The following NRXN3 variants were observed in gnomAD, a reference collection of about 807,000 sequenced individuals.
NRXN3 encodes neurexin III.
In NRXN3, 32 loss-of-function variants were observed where a neutral mutation model predicts 137.6. The observed-to-expected ratio is 0.23, with a 90% confidence interval of 0.18 to 0.31. The LOEUF (loss-of-function observed/expected upper bound fraction) is 0.31. Among genes scored for constraint, NRXN3 ranks in the 10% least tolerant of loss-of-function variants. The probability of loss-of-function intolerance (pLI) is 1.00; values close to 1 mark genes in which losing one functional copy is unlikely to be tolerated. For missense variants in NRXN3, 1,574 were observed against 2,062.5 expected (o/e 0.76, Z 4.59); for synonymous variants, 798 against 784.5 (o/e 1.02, Z -0.29).
At chr14:78,848,050 A>G (rs574014658) in intron 10 of NRXN3, among the ~76,000 whole-genome samples, 14 of 152,082 alleles carry the variant, frequency 9.2e-5, no homozygotes, top group Non-Finnish European at 1.6e-4. Flanking sequence ...TCTGCCTAGA[A>G]TCTGAGGAGG....
At chr14:78,649,689 G>A (rs988263816) in intron 5 of NRXN3, among the ~76,000 whole-genome samples, 1 of 150,642 alleles carries the variant, frequency 6.6e-6, no homozygotes, top group Non-Finnish European at 1.5e-5. Context: ...TTCTTTCTGT[G>A]CCTTCCTCTC....
chr14:79,051,870 A>T (rs954649409), intron 15 of NRXN3, among the ~76,000 whole-genome samples: 1 of 152,128 alleles, frequency 6.6e-6, no homozygotes, highest in Admixed American at 6.5e-5. Context: ...TTGACCTAAG[A>T]TTTTCTTTTC....
chr14:78,233,940 G>T (rs1398439189), intron 1 of NRXN3, among the ~76,000 whole-genome samples: 3 of 152,188 alleles, frequency 2.0e-5, no homozygotes, highest in Non-Finnish European at 1.5e-5. Flanking sequence ...ATCTTGAATT[G>T]TAGCTCCCAT....
chr14:78,232,869 G>A (rs935957192), intron 1 of NRXN3, among the ~76,000 whole-genome samples: 4 of 152,222 alleles, frequency 2.6e-5, no homozygotes, highest in Admixed American at 2.0e-4. Context: ...GAGGGGGTGA[G>A]AGAAGGGAGG....
intron 6 of NRXN3, among the ~76,000 whole-genome samples, chr14:78,696,996 C>T (rs775407127): frequency 1.3e-5 from 2 of 152,088 alleles, no homozygotes; most frequent in East Asian, 3.8e-4. Context: ...CCAGTTCCCA[C>T]ACCCGTAGCA....
chr14:78,995,865 A>G (rs1210714157), intron 15 of NRXN3, among the ~76,000 whole-genome samples: 1 of 152,212 alleles, frequency 6.6e-6, no homozygotes, highest in Non-Finnish European at 1.5e-5. Flanking sequence ...TTAGATTTAA[A>G]AGTGGTAAAT....
chr14:79,386,713 T>C (rs1458192118), intron 15 of NRXN3, among the ~76,000 whole-genome samples: 9 of 152,064 alleles, frequency 5.9e-5, no homozygotes, highest in African/African-American at 2.4e-5. Flanking sequence ...ACTACAAGGC[T>C]ACAGTAACCA....
intron 4 of NRXN3, among the ~76,000 whole-genome samples, chr14:78,318,446 C>G (rs1283334526): frequency 6.6e-6 from 1 of 152,176 alleles, no homozygotes; most frequent in African/African-American, 2.4e-5. Context: ...AGGCAGCCCT[C>G]TAGTCTCAAG....
intron 16 of NRXN3, among the ~76,000 whole-genome samples, chr14:79,513,272 T>A (rs1008366099): frequency 6.6e-6 from 1 of 151,000 alleles, no homozygotes; most frequent in African/African-American, 2.5e-5. Flanking sequence ...GGAGTAGGTG[T>A]TCAGACATTT....
At chr14:79,171,811 TTTTA>T (rs1231693382) in intron 15 of NRXN3, among the ~76,000 whole-genome samples, 4 of 151,108 alleles carry the variant, frequency 2.6e-5, no homozygotes, top group African/African-American at 9.7e-5. Context: ...ATTTTGTTTA[TTTTA>T]TTTGTTTTTT....
chr14:79,123,207 C>CTGTGTGTGCGTGTG (rs978513957), intron 15 of NRXN3, among the ~76,000 whole-genome samples: 2 of 151,900 alleles, frequency 1.3e-5, no homozygotes, highest in Non-Finnish European at 2.9e-5. Flanking sequence ...TTTTCTATGG[C>CTGTGTGTGCGTGTG]TGTGTGTGCG....
At chr14:78,203,895 G>A (rs571705571) in intron 1 of NRXN3, among the ~76,000 whole-genome samples, 1 of 148,132 alleles carries the variant, frequency 6.8e-6, no homozygotes, top group Non-Finnish European at 1.5e-5. Context: ...GTATTAGATT[G>A]TATACACTTC....
chr14:79,378,889 A>C (rs2094385695), intron 15 of NRXN3, among the ~76,000 whole-genome samples: 1 of 151,194 alleles, frequency 6.6e-6, no homozygotes, highest in African/African-American at 2.5e-5. Context: ...AAAAAAAAAA[A>C]AACCCTGAAG....
At chr14:78,938,489 C>A (rs1597624561) in intron 10 of NRXN3, among the ~76,000 whole-genome samples, 1 of 152,156 alleles carries the variant, frequency 6.6e-6, no homozygotes, top group Non-Finnish European at 1.5e-5. Context: ...ATTATCTCTG[C>A]AAACTCTCCT....
At chr14:79,553,345 GA>G (rs2097395073) in intron 16 of NRXN3, among the ~76,000 whole-genome samples, 1 of 152,062 alleles carries the variant, frequency 6.6e-6, no homozygotes, top group African/African-American at 2.4e-5. Context: ...CAAAAAGAAA[GA>G]AAATAAAGAA....
At chr14:78,681,958 C>T (rs968770537) in intron 6 of NRXN3, among the ~76,000 whole-genome samples, 1 of 152,076 alleles carries the variant, frequency 6.6e-6, no homozygotes, top group South Asian at 2.1e-4. Context: ...ACCTCTGCCT[C>T]CCGGGTTCAA....
At chr14:78,974,988 T>C (rs1598109808) in intron 14 of NRXN3, among the ~76,000 whole-genome samples, 1 of 152,324 alleles carries the variant, frequency 6.6e-6, no homozygotes, top group Non-Finnish European at 1.5e-5. Flanking sequence ...CTTGTTATTG[T>C]GTGGTTGGGG....
At chr14:78,763,649 G>T (rs1175993666) in intron 8 of NRXN3, among the ~76,000 whole-genome samples, 1 of 152,114 alleles carries the variant, frequency 6.6e-6, no homozygotes, top group African/African-American at 2.4e-5. Context: ...GGCCCAGATG[G>T]AGGATATAGA....
At chr14:79,320,526 G>A (rs1399484688) in intron 15 of NRXN3, among the ~76,000 whole-genome samples, 1 of 152,168 alleles carries the variant, frequency 6.6e-6, no homozygotes, top group Non-Finnish European at 1.5e-5. Context: ...TATGTGAATA[G>A]TGCCTGTTTT....
Sources: gnomAD v4.1 joint callset for allele counts (sites outside exome capture counted in the v4.1 genomes callset) on GRCh38, gnomAD v4.1.1 for gene constraint, MANE v1.5 for transcripts, NCBI Gene and HGNC (gene_info 2026-07-23, HGNC 2026-07-21) for gene names.